The following DNAJC13 variants were observed in gnomAD, a reference collection of about 807,000 sequenced individuals.
The protein encoded by DNAJC13 is dnaJ homolog subfamily C member 13.
Under a neutral mutation model 290.5 loss-of-function variants are expected in DNAJC13, and 75 were observed. That is an observed-to-expected ratio of 0.26 (90% CI 0.21 to 0.31). DNAJC13 has a LOEUF of 0.31. DNAJC13 is among the 10% of genes least tolerant of loss of function. DNAJC13 has a pLI of 1.00. For synonymous variants in DNAJC13, 862 were observed against 892.0 expected (o/e 0.97, Z 0.60); for missense variants, 2,260 against 2,674.5 (o/e 0.85, Z 3.42).
In DNAJC13 at chr3:132,456,750, G is replaced by A. The variant is rs1001527061; in HGVS notation, c.1267G>A (p.Ala423Thr). 6.2e-7 allele frequency: 1 copy of A among 1,613,978 alleles called. No homozygotes were observed. Among genetic ancestry groups the A allele is most frequent in the African/African-American group, 1.3e-5 (1 of 74,938 alleles). The change falls in exon 12 of 56, where the codon GCG becomes ACG. Residue 423 changes from alanine to threonine, a missense_variant. Ala to Thr is a moderately conservative substitution (Grantham distance 58, BLOSUM62 0). Around this residue, in one of 3 missense-constraint regions of DNAJC13, gnomAD observed 762 missense variants for 964.1 expected, o/e 0.79. Transcript: ENST00000260818. ...SQEGDVVASNAELESQFQAVR... is the reference protein window; with the variant it reads ...SQEGDVVASNTELESQFQAVR... Reference sequence around the variant, plus strand: ...AGAAGGGGATGTCGTTGCTTCAAATGCGGAACTTGAGAGTCAGTTCCAGGC... The same window carrying A: ...AGAAGGGGATGTCGTTGCTTCAAATACGGAACTTGAGAGTCAGTTCCAGGC...
At chr3:132,437,919 C>G (rs574580376) in intron 2 of DNAJC13, among the ~76,000 whole-genome samples, 2 of 151,876 alleles carry the variant, frequency 1.3e-5, no homozygotes, top group African/African-American at 4.8e-5. Context: ...GGCATGGCGG[C>G]GCTCCCCTTT....
intron 2 of DNAJC13, among the ~76,000 whole-genome samples, chr3:132,439,468 C>T (rs1559869468): frequency 6.6e-6 from 1 of 151,476 alleles, no homozygotes; most frequent in African/African-American, 2.4e-5. Context: ...CGCTCTTGAC[C>T]CTGCCAGTCT....
intron 43 of DNAJC13, among the ~76,000 whole-genome samples, chr3:132,508,351 C>A (rs1935658130): frequency 6.6e-6 from 1 of 152,238 alleles, no homozygotes; most frequent in Non-Finnish European, 1.5e-5. Context: ...AAGGTCACTA[C>A]ACTAAACAAG....
At chr3:132,505,985 GAT>G (rs1165884603) in intron 42 of DNAJC13, among the ~76,000 whole-genome samples, 1 of 144,126 alleles carries the variant, frequency 6.9e-6, no homozygotes, top group Non-Finnish European at 1.5e-5. Context: ...ACTCTTTATA[GAT>G]AAAATTTTTG....
At chr3:132,468,135 G>A (rs889741878) in intron 20 of DNAJC13, among the ~76,000 whole-genome samples, 6 of 152,172 alleles carry the variant, frequency 3.9e-5, no homozygotes, top group African/African-American at 1.4e-4. Flanking sequence ...TCATTCTTCA[G>A]CATGCAGTGT....
chr3:132,474,863 A>G, intron 21 of DNAJC13, 69 bp from the exon 22 acceptor site: 1 of 209,364 alleles, frequency 4.8e-6, no homozygotes, highest in Non-Finnish European at 7.7e-6. Flanking sequence ...TAAGGTCAGT[A>G]AGGGATATTT....
chr3:132,510,402 T>C (rs1055197804), intron 43 of DNAJC13, among the ~76,000 whole-genome samples: 12 of 152,248 alleles, frequency 7.9e-5, no homozygotes, highest in African/African-American at 2.6e-4. Flanking sequence ...TTGTTTTTTC[T>C]ATTTAAAGAC....
At chr3:132,503,678 C>T (rs1454041074) in intron 41 of DNAJC13, among the ~76,000 whole-genome samples, 2 of 152,158 alleles carry the variant, frequency 1.3e-5, no homozygotes, top group East Asian at 3.9e-4. Flanking sequence ...TGGTGTTTCA[C>T]AATGGCAGAC....
rs535137652 is a variant in DNAJC13 at position 132,491,181 on chromosome 3, G to A, written c.3623+130G>A. The A allele has an allele frequency of 6.8e-4, 552 of 805,924 alleles. 3 individuals are homozygous for A. The South Asian group carries it at 7.8e-3, about 11-fold the overall frequency. The allele number at this position is 805,924 out of a possible 1,614,324, so 49.9% of individuals were successfully genotyped here. A position where few individuals can be genotyped will look rare whatever the true frequency, so the allele number is the denominator to read the frequency against. Reference sequence around the variant, plus strand: ...ATCTAAAATGACAGTAATCATTGATGCCAAATCAAATGATGGATTTTGATA... The same window carrying A: ...ATCTAAAATGACAGTAATCATTGATACCAAATCAAATGATGGATTTTGATA... On this transcript the variant is annotated intron_variant, in intron 32 of 55. Coordinates refer to ENST00000260818, the MANE Select transcript of DNAJC13 (RefSeq NM_015268.4).
At position 132,450,660 on chromosome 3, in the gene DNAJC13, A is replaced by C. The variant is rs376397501; in HGVS notation, c.350A>C (p.Tyr117Ser). The C allele has an allele frequency of 2.5e-5, 40 of 1,611,718 alleles. No individual in the cohort carries two copies. The highest frequency in any genetic ancestry group is 2.8e-5 in the Non-Finnish European group (33 of 1,178,508). Residue 117 changes from tyrosine to serine, a missense_variant, in exon 6 of 56, where the codon TAT (tyrosine) becomes TCT (serine). Tyr to Ser is a moderately radical substitution (Grantham distance 144, BLOSUM62 -2). Around this residue, in one of 3 missense-constraint regions of DNAJC13, gnomAD observed 762 missense variants for 964.1 expected, o/e 0.79. Transcript: ENST00000260818. ...GKITGRRYNCYKHHWSDSRKP... is the reference protein window; with the variant it reads ...GKITGRRYNCSKHHWSDSRKP... ...TTCTGTCTTTAGAGATACAACTGCT[A>C]TAAGCATCACTGGAGTGACTCAAGA... is the stretch of plus-strand genomic sequence containing the variant.
intron 31 of DNAJC13, 30 bp from the exon 32 acceptor site, chr3:132,490,867 G>T: frequency 2.0e-6 from 3 of 1,483,956 alleles, no homozygotes; most frequent in South Asian, 2.8e-5. Flanking sequence ...TAGTGTTTTT[G>T]ACTACCTTTT....
chr3:132,489,756 AG>A (rs1935006339), intron 31 of DNAJC13, among the ~76,000 whole-genome samples: 1 of 152,148 alleles, frequency 6.6e-6, no homozygotes, highest in African/African-American at 2.4e-5. Flanking sequence ...ATGAAGCCCT[AG>A]AAAGTAACCC....
At chr3:132,438,473 C>T (rs1415860177) in intron 2 of DNAJC13, among the ~76,000 whole-genome samples, 1 of 152,160 alleles carries the variant, frequency 6.6e-6, no homozygotes. Flanking sequence ...TCTCTAGAAA[C>T]ATGTCTACGT....
In DNAJC13 at chr3:132,456,830, A is replaced by G; in HGVS notation, c.1347A>G (p.Pro449=). The G allele has an allele frequency of 6.2e-7, 1 of 1,611,426 alleles. No individual in the cohort carries two copies. The highest frequency in any genetic ancestry group is 8.5e-7 in the Non-Finnish European group (1 of 1,179,054). The change falls in exon 12 of 56, where the codon CCA becomes CCG. Residue 449 remains proline (P), a splice_region_variant and synonymous_variant. Coordinates refer to ENST00000260818, the MANE Select transcript of DNAJC13 (RefSeq NM_015268.4). ...GTTTCCTGGCTTTCACTCAGCTTCC[A>G]AAGTAAGTTGTCTTCTGAAACTTAA... ...KAGFLAFTQL[P]KFRERLGVKV...
At chr3:132,482,896 C>T (rs190052323) in intron 27 of DNAJC13, among the ~76,000 whole-genome samples, 14 of 151,952 alleles carry the variant, frequency 9.2e-5, no homozygotes, top group East Asian at 7.7e-4. Context: ...TTAGTACTTA[C>T]GTCAAACTAT....
At chr3:132,516,533 A>G in intron 47 of DNAJC13, 37 bp downstream of exon 47, 11 of 1,598,456 alleles carry the variant, frequency 6.9e-6, no homozygotes, top group African/African-American at 1.3e-5. Flanking sequence ...AGTCATGTGC[A>G]ATATAATGAA....
chr3:132,512,603 C>A (rs1440452552), intron 44 of DNAJC13, among the ~76,000 whole-genome samples: 1 of 152,164 alleles, frequency 6.6e-6, no homozygotes, highest in Non-Finnish European at 1.5e-5. Flanking sequence ...TGGCAGAGTT[C>A]TAACCTAGTC....
At chr3:132,439,326 T>C (rs1282548435) in intron 2 of DNAJC13, among the ~76,000 whole-genome samples, 5 of 152,182 alleles carry the variant, frequency 3.3e-5, no homozygotes, top group Admixed American at 1.3e-4. Context: ...ATACCTTTCT[T>C]ATATGTAGGA....
At chr3:132,503,456 A>G in intron 41 of DNAJC13, 75 bp downstream of exon 41, 1 of 1,526,598 alleles carries the variant, frequency 6.6e-7, no homozygotes, top group African/African-American at 1.4e-5. Context: ...GTACAATAAT[A>G]TTGATCTAGG....
Sources: allele counts gnomAD v4.1 joint callset (sites outside exome capture counted in the v4.1 genomes callset), GRCh38; gene constraint gnomAD v4.1.1; regional missense constraint gnomAD v4.1.1; transcripts MANE v1.5; gene names NCBI Gene and HGNC (gene_info 2026-07-23, HGNC 2026-07-21).